ABTB2: variants seen among roughly 807,000 people sequenced by gnomAD.
ABTB2 encodes ankyrin repeat and BTB domain containing 2, also known as ankyrin repeat and BTB/POZ domain-containing protein 2.
Under a neutral mutation model 104.1 loss-of-function variants are expected in ABTB2, and 56 were observed. The observed-to-expected ratio is 0.54, with a 90% confidence interval of 0.43 to 0.67. The LOEUF (loss-of-function observed/expected upper bound fraction) is 0.67, where lower values mean the gene tolerates loss of function less well. Ranked by LOEUF, ABTB2 falls within the 30% of genes least tolerant of loss-of-function variation. The pLI is 0.00. For missense variants in ABTB2, 1,279 were observed against 1,407.7 expected, an observed-to-expected ratio of 0.91 and a Z score of 1.46; for synonymous variants, 606 against 608.2, an observed-to-expected ratio of 1.00 and a Z score of 0.05.
At chr11:34,209,232 G>T (rs1439887222) in intron 1 of ABTB2, among the ~76,000 whole-genome samples, 1 of 151,898 alleles carries the variant, frequency 6.6e-6, no homozygotes, top group Non-Finnish European at 1.5e-5. Flanking sequence ...TGTAATCCCA[G>T]CTACTCAGGA....
intron 7 of ABTB2, 143 bp from the exon 8 acceptor site, chr11:34,165,499 G>A (rs1018434314): frequency 9.4e-6 from 6 of 636,636 alleles, no homozygotes; most frequent in Admixed American, 6.4e-5. Context: ...CTGAGGAACT[G>A]GAACTTTAGA....
chr11:34,306,212 C>T (rs1350390528), intron 1 of ABTB2, among the ~76,000 whole-genome samples: 3 of 150,906 alleles, frequency 2.0e-5, no homozygotes, highest in Non-Finnish European at 4.4e-5. Context: ...GCAAATGGCT[C>T]CCACTAGCTG....
At chr11:34,186,161 T>TCGGC (rs1565135492) in intron 3 of ABTB2, among the ~76,000 whole-genome samples, 1 of 152,170 alleles carries the variant, frequency 6.6e-6, no homozygotes, top group African/African-American at 2.4e-5. Flanking sequence ...GGCCCTGAAC[T>TCGGC]CGGCCGGGAA....
chr11:34,321,756 T>C (rs907851967), intron 1 of ABTB2, among the ~76,000 whole-genome samples: 1 of 152,194 alleles, frequency 6.6e-6, no homozygotes, highest in African/African-American at 2.4e-5. Context: ...GATGTTCGCA[T>C]ATACCATTCA....
chr11:34,161,150 T>C, intron 10 of ABTB2, 69 bp from the exon 11 acceptor site: 1 of 1,441,348 alleles, frequency 6.9e-7, no homozygotes. Flanking sequence ...GACCACAGCC[T>C]TTTCTGGGCA....
At chr11:34,237,409 C>A (rs1006247576) in intron 1 of ABTB2, among the ~76,000 whole-genome samples, 2 of 151,796 alleles carry the variant, frequency 1.3e-5, no homozygotes, top group African/African-American at 4.8e-5. Context: ...TCCCAAAGTG[C>A]TCGGATTTCA....
intron 1 of ABTB2, among the ~76,000 whole-genome samples, chr11:34,339,249 T>C (rs1296155705): frequency 2.0e-5 from 3 of 152,124 alleles, no homozygotes; most frequent in African/African-American, 7.2e-5. Flanking sequence ...AGAACATCAA[T>C]TTTTAAAGTG....
chr11:34,252,047 G>A lies in ABTB2; in HGVS notation c.884-47357C>T, dbSNP rs1020751722. 1.4e-4 allele frequency among the ~76,000 whole-genome samples: 21 copies of A among 152,140 alleles called. No individual in the cohort carries two copies. The highest frequency in any genetic ancestry group is 2.0e-4 in the Admixed American group (3 of 15,272). On this transcript the variant is annotated intron_variant, in intron 1 of 16. Transcript: ENST00000435224. This position sits in a 1 kb window ranked among gnomAD's most constrained non-coding sequence, Gnocchi z 5.5. Reference sequence around the variant, plus strand: ...CCACTCCCATCCCCTCCACCCAGGGGCTTGCAATCCCAGGGAAGAGGAGAG... The same window carrying A: ...CCACTCCCATCCCCTCCACCCAGGGACTTGCAATCCCAGGGAAGAGGAGAG...
chr11:34,353,041 G>A (rs891330811), intron 1 of ABTB2, among the ~76,000 whole-genome samples: 1 of 152,160 alleles, frequency 6.6e-6, no homozygotes, highest in Non-Finnish European at 1.5e-5. Flanking sequence ...CAGCCTGGGT[G>A]ATACAGCAAG....
Position 34,357,490 on chromosome 11 carries a change from G to C in ABTB2, c.94C>G (p.Leu32Val). 1.3e-6 allele frequency: 2 copies of C among 1,544,350 alleles called. No individual in the cohort carries two copies. Among genetic ancestry groups the C allele is most frequent in the Non-Finnish European group, 1.7e-6 (2 of 1,146,830 alleles). Reference protein sequence around the residue: ...GAGDSCRSLSLSSSKSNSQAL... With the variant: ...GAGDSCRSLSVSSSKSNSQAL... ...TGCGAGTTGGACTTGGAGGACGAGA[G>C]GCTGAGCGAGCGGCACGAGTCCCCG... The change falls in exon 1 of 17, where the codon CTC becomes GTC. Residue 32 changes from leucine (L) to valine (V), a missense_variant. Leu to Val is a conservative substitution (Grantham distance 32). Transcript: ENST00000435224.
At chr11:34,259,542 G>A (rs757860843) in intron 1 of ABTB2, among the ~76,000 whole-genome samples, 10 of 152,150 alleles carry the variant, frequency 6.6e-5, no homozygotes, top group Non-Finnish European at 1.0e-4. Context: ...AAATAGTCAG[G>A]TATTCTCCTC....
chr11:34,235,880 C>G (rs1241417098), intron 1 of ABTB2, among the ~76,000 whole-genome samples: 1 of 152,198 alleles, frequency 6.6e-6, no homozygotes, highest in Non-Finnish European at 1.5e-5. Flanking sequence ...CAGAGCAGAG[C>G]CTGTTCCTCC....
At position 34,356,582 on chromosome 11, in the gene ABTB2, G is replaced by C; in HGVS notation, c.883+119C>G. 1 of 1,347,248 alleles carries C rather than the reference G, an allele frequency of 7.4e-7. No individual in the cohort carries two copies. Among genetic ancestry groups the C allele is most frequent in the East Asian group, 2.5e-5 (1 of 39,294 alleles). The allele number at this position is 1,347,248 out of a possible 1,614,324, so 83.5% of individuals were successfully genotyped here. Reference sequence around the variant, plus strand: ...AATGAACCCTATCCTCAGACCAAACGTTTTCTCCCAAAGAACTGGCACAGC... The same window carrying C: ...AATGAACCCTATCCTCAGACCAAACCTTTTCTCCCAAAGAACTGGCACAGC... On this transcript the variant is annotated intron_variant, in intron 1 of 16. Transcript: ENST00000435224. This position sits in a 1 kb window ranked among gnomAD's most constrained non-coding sequence, Gnocchi z 4.6.
intron 1 of ABTB2, among the ~76,000 whole-genome samples, chr11:34,314,018 ATGGATAAACATGCTC>A (rs1272443169): frequency 6.6e-6 from 1 of 152,168 alleles, no homozygotes; most frequent in African/African-American, 2.4e-5. Flanking sequence ...TATGTGGTGA[ATGGATAAACATGCTC>A]TGGAAACCGA....
chr11:34,246,293 T>G (rs978564813), intron 1 of ABTB2, among the ~76,000 whole-genome samples: 1 of 152,188 alleles, frequency 6.6e-6, no homozygotes, highest in African/African-American at 2.4e-5. Context: ...AGGGCTTTTT[T>G]GTTTGGTTTT....
chr11:34,274,715 A>T (rs1337154419), intron 1 of ABTB2, among the ~76,000 whole-genome samples: 1 of 152,044 alleles, frequency 6.6e-6, no homozygotes, highest in East Asian at 1.9e-4. Context: ...GGTGGGAGGT[A>T]TGAGGTCAGA....
intron 1 of ABTB2, among the ~76,000 whole-genome samples, chr11:34,271,660 G>C (rs990634354): frequency 6.6e-6 from 1 of 152,182 alleles, no homozygotes; most frequent in African/African-American, 2.4e-5. Flanking sequence ...CTTGGGCCCA[G>C]AAGGTTGAGG....
At chr11:34,253,530 G>T (rs1444691322) in intron 1 of ABTB2, among the ~76,000 whole-genome samples, 1 of 152,072 alleles carries the variant, frequency 6.6e-6, no homozygotes, top group South Asian at 2.1e-4. Context: ...ACAAAAATTA[G>T]CCAGGCATGG....
chr11:34,167,798 A>T, intron 6 of ABTB2, 105 bp downstream of exon 6: 1 of 1,183,882 alleles, frequency 8.4e-7, no homozygotes, highest in South Asian at 1.3e-5. Context: ...TTTGACACAC[A>T]TCTACTCAGT....
Sources: gnomAD v4.1 joint callset for allele counts (sites outside exome capture counted in the v4.1 genomes callset) on GRCh38, gnomAD v4.1.1 for gene constraint, Gnocchi (gnomAD v3.1) non-coding constraint, MANE v1.5 for transcripts, NCBI Gene and HGNC (gene_info 2026-07-23, HGNC 2026-07-21) for gene names.